RELN: variants seen among roughly 807,000 people sequenced by gnomAD.
RELN encodes reelin.
In RELN, 108 loss-of-function variants were observed where a neutral mutation model predicts 427.6. That is an observed-to-expected ratio of 0.25 (90% CI 0.22 to 0.30). The LOEUF is 0.30. Ranked by LOEUF, RELN falls within the 10% of genes least tolerant of loss-of-function variation. RELN has a pLI of 1.00. For synonymous variants in RELN, 1,524 were observed against 1,513.4 expected, an observed-to-expected ratio of 1.01 and a Z score of -0.16; for missense variants, 3,715 against 4,302.8, an observed-to-expected ratio of 0.86 and a Z score of 3.82.
At chr7:103,763,244 T>C (rs1791346546) in intron 4 of RELN, among the ~76,000 whole-genome samples, 1 of 152,136 alleles carries the variant, frequency 6.6e-6, no homozygotes, top group African/African-American at 2.4e-5. Context: ...TCTGGGGACA[T>C]GGGAGGTACA....
In RELN at chr7:103,629,935, CT is replaced by C; in HGVS notation, c.2702+4del. The C allele has an allele frequency of 6.5e-7, 1 of 1,543,986 alleles. No homozygotes were observed. Among genetic ancestry groups the C allele is most frequent in the Non-Finnish European group, 9.0e-7 (1 of 1,116,370 alleles). ...TTGTAACAATAACAATGATGAAATC[CT>C]TACCAAAGGGTCCAGTCGTGGCCAC... is the stretch of plus-strand genomic sequence containing the variant. On this transcript the variant is annotated splice_donor_region_variant and intron_variant, in intron 20 of 64. Transcript: ENST00000428762.
At chr7:103,883,424 T>A (rs888497464) in intron 2 of RELN, among the ~76,000 whole-genome samples, 1 of 152,230 alleles carries the variant, frequency 6.6e-6, no homozygotes, top group Admixed American at 6.5e-5. Context: ...TATTAGAAGT[T>A]CTGGCCAGGG....
intron 36 of RELN, among the ~76,000 whole-genome samples, chr7:103,558,658 C>A (rs1254541088): frequency 2.6e-5 from 4 of 152,194 alleles, no homozygotes; most frequent in Non-Finnish European, 4.4e-5. Context: ...CATTAGCTTT[C>A]GTAATTTTTT....
chr7:103,811,334 G>T (rs1792738695), intron 3 of RELN, among the ~76,000 whole-genome samples: 1 of 152,110 alleles, frequency 6.6e-6, no homozygotes, highest in Non-Finnish European at 1.5e-5. Context: ...ATGCAGAAGG[G>T]CCTGGGTTTA....
chr7:103,513,654 A>G (rs1829484880), intron 50 of RELN: 1 of 152,168 alleles, frequency 6.6e-6, no homozygotes, highest in Non-Finnish European at 1.5e-5. Flanking sequence ...ATGATATACT[A>G]ATAAATGAAT....
intron 3 of RELN, among the ~76,000 whole-genome samples, chr7:103,786,625 A>C (rs916261792): frequency 2.0e-5 from 3 of 152,098 alleles, no homozygotes; most frequent in African/African-American, 7.2e-5. Context: ...ATAATAGTAA[A>C]GGGATTAATG....
In RELN at chr7:103,505,988, T is replaced by G. The variant is rs183898504; in HGVS notation, c.8275-2758A>C. Among the ~76,000 whole-genome samples, 22 of 152,052 alleles carry G rather than the reference T, an allele frequency of 1.4e-4. No individual in the cohort carries two copies. The East Asian group carries it at 3.5e-3, about 24-fold the overall frequency. ...AATCGATCAAGTGGAGGAAAGAATATCAGAGAATGAAGATCAAATCAATGA... is the reference window on the plus strand; with the variant it reads ...AATCGATCAAGTGGAGGAAAGAATAGCAGAGAATGAAGATCAAATCAATGA... On this transcript the variant is annotated intron_variant, in intron 51 of 64. Coordinates refer to ENST00000428762, the MANE Select transcript of RELN (RefSeq NM_005045.4).
chr7:103,752,913 G>A (rs1216205923), intron 5 of RELN, among the ~76,000 whole-genome samples: 1 of 152,026 alleles, frequency 6.6e-6, no homozygotes, highest in Non-Finnish European at 1.5e-5. Context: ...GCATTAGAAT[G>A]CAAAAGCTTA....
intron 4 of RELN, among the ~76,000 whole-genome samples, chr7:103,774,607 C>T (rs1214482722): frequency 6.6e-6 from 1 of 152,028 alleles, no homozygotes; most frequent in Non-Finnish European, 1.5e-5. Flanking sequence ...ATTCCTTACC[C>T]AATACATAAA....
At chr7:103,773,166 TTTTC>T (rs1359798795) in intron 4 of RELN, among the ~76,000 whole-genome samples, 29 of 82,406 alleles carry the variant, frequency 3.5e-4, no homozygotes, top group Non-Finnish European at 7.3e-4. Context: ...CTTTCTTTCT[TTTTC>T]TTTCTTTCCT....
At chr7:103,475,650 G>A (rs3808046) in intron 64 of RELN, among the ~76,000 whole-genome samples, 1 of 152,026 alleles carries the variant, frequency 6.6e-6, no homozygotes, top group African/African-American at 2.4e-5. Context: ...TTAATATATG[G>A]GAACAAAAGA....
intron 6 of RELN, among the ~76,000 whole-genome samples, chr7:103,746,945 C>T (rs1416971165): frequency 6.6e-6 from 1 of 152,144 alleles, no homozygotes; most frequent in African/African-American, 2.4e-5. Context: ...AATCATGCTG[C>T]TACAAAGACA....
At chr7:103,931,190 A>G (rs1422484253) in intron 1 of RELN, among the ~76,000 whole-genome samples, 1 of 151,994 alleles carries the variant, frequency 6.6e-6, no homozygotes, top group Admixed American at 6.6e-5. Flanking sequence ...CTGCCATTCT[A>G]GGCTTTCCTC....
At chr7:103,840,306 C>T (rs750582604) in intron 2 of RELN, among the ~76,000 whole-genome samples, 20 of 152,208 alleles carry the variant, frequency 1.3e-4, no homozygotes, top group Non-Finnish European at 2.8e-4. Context: ...GAGTGTGAGA[C>T]TGGAACTGGG....
chr7:103,753,035 ATCCGTACCCAAG>A (rs1791046220), intron 5 of RELN, 135 bp downstream of exon 5: 7 of 798,158 alleles, frequency 8.8e-6, no homozygotes, highest in South Asian at 7.3e-5. Context: ...TTCAAGTATA[ATCCGTACCCAAG>A]TCCAATTTCA....
At chr7:103,538,965 A>T in intron 45 of RELN, 113 bp downstream of exon 45, 1 of 1,168,890 alleles carries the variant, frequency 8.6e-7, no homozygotes, top group Non-Finnish European at 1.3e-6. Context: ...CTCAAAGTGC[A>T]CTTGTGTTTT....
chr7:103,756,166 A>C (rs1321362973), intron 4 of RELN, among the ~76,000 whole-genome samples: 1 of 152,208 alleles, frequency 6.6e-6, no homozygotes, highest in Non-Finnish European at 1.5e-5. Context: ...CTTTACTTTA[A>C]ATTGTTTATT....
At chr7:103,973,142 C>G (rs1257475588) in intron 1 of RELN, among the ~76,000 whole-genome samples, 1 of 152,214 alleles carries the variant, frequency 6.6e-6, no homozygotes, top group Admixed American at 6.5e-5. Flanking sequence ...ACTCAACTGT[C>G]ACAGCCAGTA....
At chr7:103,834,617 C>T (rs1270793648) in intron 2 of RELN, among the ~76,000 whole-genome samples, 1 of 152,006 alleles carries the variant, frequency 6.6e-6, no homozygotes, top group African/African-American at 2.4e-5. Flanking sequence ...AACAAACAAC[C>T]TAATTAACAA....
Sources: allele counts gnomAD v4.1 joint callset (sites outside exome capture counted in the v4.1 genomes callset), GRCh38; gene constraint gnomAD v4.1.1; transcripts MANE v1.5; gene names NCBI Gene and HGNC (gene_info 2026-07-23, HGNC 2026-07-21).